Variants in ADAMTSL2 observed in about 807,000 individuals in gnomAD.
ADAMTSL2 encodes ADAMTS like 2.
Under a neutral mutation model 117.0 loss-of-function variants are expected in ADAMTSL2, and 55 were observed. The ratio of observed to expected loss-of-function variants is 0.47; its 90% CI spans 0.38 to 0.59. The LOEUF (loss-of-function observed/expected upper bound fraction) is 0.59, where lower values mean the gene tolerates loss of function less well. Ranked by LOEUF, ADAMTSL2 falls within the 20% of genes least tolerant of loss-of-function variation. The pLI, the probability that ADAMTSL2 is intolerant of heterozygous loss-of-function variation, is 0.00. For missense variants in ADAMTSL2, 1,182 were observed against 1,354.5 expected, an observed-to-expected ratio of 0.87 and a Z score of 2.00; for synonymous variants, 572 against 566.4, an observed-to-expected ratio of 1.01 and a Z score of -0.14.
intron 12 of ADAMTSL2, among the ~76,000 whole-genome samples, chr9:133,564,108 GAGAA>G (rs1202580207): frequency 2.1e-5 from 1 of 48,058 alleles, no homozygotes; most frequent in Non-Finnish European, 4.2e-5. Flanking sequence ...GAGAGAGAGA[GAGAA>G]AAAGGGGGAG....
intron 10 of ADAMTSL2, 69 bp from the exon 11 acceptor site, chr9:133,555,489 C>T (rs1830583990): frequency 6.2e-7 from 1 of 1,602,392 alleles, no homozygotes; most frequent in Non-Finnish European, 8.5e-7. Flanking sequence ...TCCAGGTCCC[C>T]TCCCCAGGGC....
intron 17 of ADAMTSL2, among the ~76,000 whole-genome samples, chr9:133,572,084 C>A (rs1230047671): frequency 6.6e-6 from 1 of 152,128 alleles, no homozygotes; most frequent in Admixed American, 6.5e-5. Flanking sequence ...TGCGGCCCTG[C>A]TCAGAGATTG....
chr9:133,543,557 A>G (rs1830275442), intron 7 of ADAMTSL2, among the ~76,000 whole-genome samples: 2 of 152,202 alleles, frequency 1.3e-5, no homozygotes, highest in Admixed American at 1.3e-4. Flanking sequence ...TGTGAGGGAC[A>G]GGTCAGGATC....
chr9:133,565,402 C>T (rs896313983), intron 12 of ADAMTSL2, among the ~76,000 whole-genome samples: 1 of 152,112 alleles, frequency 6.6e-6, no homozygotes, highest in Non-Finnish European at 1.5e-5. Context: ...CACTCCGTGA[C>T]GAGGAGCGAA....
chr9:133,552,212 G>A (rs942762905), intron 9 of ADAMTSL2, among the ~76,000 whole-genome samples: 8 of 152,180 alleles, frequency 5.3e-5, no homozygotes, highest in Admixed American at 2.6e-4. Context: ...ATTACTCTTC[G>A]TGGTGGAGGG....
Position 133,540,721 on chromosome 9 carries a change from T to C in ADAMTSL2, c.536T>C (p.Val179Ala). 1 of 1,613,708 alleles carries C rather than the reference T, an allele frequency of 6.2e-7. No individual in the cohort carries two copies. The highest frequency in any genetic ancestry group is 8.5e-7 in the Non-Finnish European group (1 of 1,180,012). The change falls in exon 6 of 19, where the codon GTT becomes GCT. Residue 179 changes from valine to alanine, a missense_variant. Val to Ala is a moderately conservative substitution (Grantham distance 64, BLOSUM62 0). Around this residue, in one of 3 missense-constraint regions of ADAMTSL2, gnomAD observed 372 missense variants for 463.4 expected, o/e 0.80. Coordinates refer to ENST00000651351, the MANE Select transcript of ADAMTSL2 (RefSeq NM_014694.4). Reference sequence around the variant, plus strand: ...TGCAAGCTCACTGACCTGCGAGGGGTTTGCGTGTCTGGAAAATGTGAGGTT... The same window carrying C: ...TGCAAGCTCACTGACCTGCGAGGGGCTTGCGTGTCTGGAAAATGTGAGGTT... ...TSCKLTDLRG[V>A]CVSGKCEPIG...
In ADAMTSL2 at chr9:133,574,943, A is replaced by AC. The variant is rs1831194019; in HGVS notation, c.*85dup. The stretch of plus-strand genomic sequence containing the variant: ...GCTGCAGCTTCTGGGGCCTCCACAG[A>AC]CCCCCCTCCTGCGGGGCACGCTGGC... On this transcript the variant is annotated 3_prime_UTR_variant, in exon 19 of 19. Coordinates refer to ENST00000651351, the MANE Select transcript of ADAMTSL2 (RefSeq NM_014694.4). 1.1e-5 allele frequency: 12 copies of AC among 1,133,026 alleles called. No homozygotes were observed. The highest frequency in any genetic ancestry group is 4.8e-5 in the East Asian group (2 of 41,890). The allele number at this position is 1,133,026 out of a possible 1,614,324, so 70.2% of individuals were successfully genotyped here.
intron 8 of ADAMTSL2, among the ~76,000 whole-genome samples, chr9:133,546,808 G>A (rs1830358855): frequency 6.6e-6 from 1 of 152,222 alleles, no homozygotes; most frequent in Non-Finnish European, 1.5e-5. Context: ...AGCCAGCCGT[G>A]TTCAATGTCT....
intron 10 of ADAMTSL2, 87 bp from the exon 11 acceptor site, chr9:133,555,471 C>T (rs1339716817): frequency 4.5e-6 from 7 of 1,545,702 alleles, no homozygotes; most frequent in Non-Finnish European, 6.2e-6. Context: ...GTGTTTCTGG[C>T]CCCCTCGTCC....
chr9:133,540,656 C>A lies in ADAMTSL2; in HGVS notation c.471C>A (p.Gly157=), dbSNP rs1382704670. The change falls in exon 6 of 19, where the codon GGC becomes GGA. Residue 157 remains glycine (G), a synonymous_variant. Transcript: ENST00000651351. ...ACCTGCACTGTACCACCGTGGACGG[C>A]CAGCGGCAGCTCATGGTCCCCGCCC... ...PCDLHCTTVD[G]QRQLMVPARD... 6.2e-7 allele frequency: 1 copy of A among 1,613,764 alleles called. No homozygotes were observed. Among genetic ancestry groups the A allele is most frequent in the Non-Finnish European group, 8.5e-7 (1 of 1,180,044 alleles).
chr9:133,554,248 C>T lies in ADAMTSL2; in HGVS notation c.940-109C>T. 1 of 1,026,090 alleles carries T rather than the reference C, an allele frequency of 9.7e-7. No homozygotes were observed. 63.6% of individuals were successfully genotyped at this position (1,026,090 alleles called of 1,614,324 possible). ...AGTGTCATTCCCTGAGGGGGCTCAA[C>T]TGCCAGTCACAGCAGGGAACGCACC... is the stretch of plus-strand genomic sequence containing the variant. On this transcript the variant is annotated intron_variant, in intron 9 of 18. Transcript: ENST00000651351. This position sits in a 1 kb window ranked among gnomAD's most constrained non-coding sequence, Gnocchi z 5.2.
chr9:133,563,838 AGAGAGG>A (rs1564508545), intron 12 of ADAMTSL2, among the ~76,000 whole-genome samples: 2 of 42,878 alleles, frequency 4.7e-5, no homozygotes, highest in African/African-American at 1.1e-4. Context: ...AGAGAGAGAG[AGAGAGG>A]GAGAGAGAGA....
At chr9:133,556,659 A>T (rs368364437) in intron 11 of ADAMTSL2, among the ~76,000 whole-genome samples, 26 of 152,270 alleles carry the variant, frequency 1.7e-4, no homozygotes, top group African/African-American at 6.3e-4. Context: ...ATGGGCAGCC[A>T]TGTCTGGGGG....
chr9:133,566,550 C>T (rs892649951), intron 12 of ADAMTSL2, among the ~76,000 whole-genome samples: 3 of 152,172 alleles, frequency 2.0e-5, no homozygotes, highest in African/African-American at 7.2e-5. Flanking sequence ...GGGGCTGGAG[C>T]CGTCAGATGT....
At chr9:133,543,324 T>C (rs1038116977) in intron 7 of ADAMTSL2, among the ~76,000 whole-genome samples, 4 of 152,230 alleles carry the variant, frequency 2.6e-5, no homozygotes, top group Non-Finnish European at 5.9e-5. Context: ...CAAACAAACA[T>C]AGCTTCAGTC....
intron 7 of ADAMTSL2, among the ~76,000 whole-genome samples, chr9:133,543,300 T>C (rs1198366095): frequency 6.6e-6 from 1 of 152,222 alleles, no homozygotes; most frequent in African/African-American, 2.4e-5. Context: ...CCCAGTGATA[T>C]CAGGTTGGTA....
intron 17 of ADAMTSL2, among the ~76,000 whole-genome samples, chr9:133,573,321 C>T (rs1162213768): frequency 6.6e-6 from 1 of 152,122 alleles, no homozygotes; most frequent in East Asian, 1.9e-4. Flanking sequence ...AACATCTGGA[C>T]GGGGAGCCAC....
At chr9:133,540,360 T>C (rs1830186677) in intron 5 of ADAMTSL2, among the ~76,000 whole-genome samples, 1 of 152,046 alleles carries the variant, frequency 6.6e-6, no homozygotes, top group Non-Finnish European at 1.5e-5. Context: ...CCAGTATGGG[T>C]CTCAGGCGCT....
In ADAMTSL2 at chr9:133,568,314, G is replaced by A; in HGVS notation, c.1916G>A (p.Gly639Glu). Residue 639 changes from glycine to glutamate, a missense_variant, in exon 14 of 19, where the codon GGA (glycine) becomes GAA (glutamate). Around this residue, in one of 3 missense-constraint regions of ADAMTSL2, gnomAD observed 465 missense variants for 565.3 expected, o/e 0.82. Coordinates refer to ENST00000651351, the MANE Select transcript of ADAMTSL2 (RefSeq NM_014694.4). ...TGGAGCGAGTGTTCGCGCACCTGCG[G>A]AGAGGGCTACCAGTTCCGCGTCGTG... is the stretch of plus-strand genomic sequence containing the variant. ...SSWSECSRTCGEGYQFRVVRC... is the reference protein window; with the variant it reads ...SSWSECSRTCEEGYQFRVVRC... The A allele has an allele frequency of 6.3e-7, 1 of 1,580,982 alleles. No individual in the cohort carries two copies. Among genetic ancestry groups the A allele is most frequent in the Non-Finnish European group, 8.6e-7 (1 of 1,164,508 alleles).
Sources: gnomAD v4.1 joint callset for allele counts (sites outside exome capture counted in the v4.1 genomes callset) on GRCh38, gnomAD v4.1.1 for gene constraint, gnomAD v4.1.1 regional missense constraint, Gnocchi (gnomAD v3.1) non-coding constraint, MANE v1.5 for transcripts, NCBI Gene and HGNC (gene_info 2026-07-23, HGNC 2026-07-21) for gene names.